TRABD2A: variants seen among roughly 807,000 people sequenced by gnomAD.
TRABD2A encodes metalloprotease TIKI1.
A neutral mutation model predicts 45.6 loss-of-function variants in TRABD2A; 43 were observed. The observed-to-expected ratio is 0.94, with a 90% CI of 0.74 to 1.22. The LOEUF is 1.22. Among genes scored for constraint, TRABD2A ranks in the 50% most tolerant of loss-of-function variants. The pLI is 0.00. For missense variants in TRABD2A, 642 were observed against 652.4 expected (o/e 0.98, Z 0.17); for synonymous variants, 269 against 265.0 (o/e 1.02, Z -0.15).
At chr2:84,863,561 T>C (rs1253690848) in intron 2 of TRABD2A, among the ~76,000 whole-genome samples, 12 of 150,096 alleles carry the variant, frequency 8.0e-5, no homozygotes, top group Non-Finnish European at 1.8e-4. Context: ...CCAGTCTATA[T>C]CTACATAGCT....
chr2:84,831,983 C>T lies in TRABD2A; in HGVS notation c.1082+72G>A, dbSNP rs1164354684. The T allele has an allele frequency of 3.3e-6, 5 of 1,520,962 alleles. No homozygotes were observed. The Admixed American group carries it at 8.4e-5, about 25-fold the overall frequency. 94.2% of individuals were successfully genotyped at this position (1,520,962 alleles called of 1,614,324 possible). Reference sequence around the variant, plus strand: ...TCTCTGGAGCTCCTCAAGATAGCAGCCCACCCTGGTGCCCAGGCAGCCCCA... The same window carrying T: ...TCTCTGGAGCTCCTCAAGATAGCAGTCCACCCTGGTGCCCAGGCAGCCCCA... On this transcript the variant is annotated intron_variant, in intron 5 of 6. Transcript: ENST00000409520.
At chr2:84,859,777 G>A (rs1001550308) in intron 2 of TRABD2A, among the ~76,000 whole-genome samples, 2 of 152,144 alleles carry the variant, frequency 1.3e-5, no homozygotes, top group African/African-American at 4.8e-5. Flanking sequence ...TGGGATGGGG[G>A]TTCCAAATTT....
chr2:84,852,825 CA>C (rs1682142103), intron 2 of TRABD2A, among the ~76,000 whole-genome samples: 1 of 152,084 alleles, frequency 6.6e-6, no homozygotes, highest in Non-Finnish European at 1.5e-5. Flanking sequence ...ATGGCAAGAC[CA>C]GAAGGAAATA....
chr2:84,841,775 T>C, intron 3 of TRABD2A, 86 bp downstream of exon 3: 2 of 1,381,812 alleles, frequency 1.4e-6, no homozygotes, highest in Non-Finnish European at 9.5e-7. Flanking sequence ...CAATCCTTTG[T>C]ACACAGGATG....
intron 1 of TRABD2A, among the ~76,000 whole-genome samples, chr2:84,874,143 C>G (rs1682954629): frequency 6.6e-6 from 1 of 152,344 alleles, no homozygotes. Context: ...TCTTCAGAAG[C>G]AGTCTGTTCA....
chr2:84,868,550 T>C (rs1221352039), intron 2 of TRABD2A, among the ~76,000 whole-genome samples: 1 of 148,814 alleles, frequency 6.7e-6, no homozygotes, highest in African/African-American at 2.6e-5. Context: ...GTTAATTAAC[T>C]AGTTAACTAA....
intron 5 of TRABD2A, among the ~76,000 whole-genome samples, chr2:84,829,984 GACAC>G (rs199556536): frequency 0.033 from 4,995 of 149,406 alleles, 298 homozygotes; most frequent in African/African-American, 0.12. Flanking sequence ...CCACACACCA[GACAC>G]ACACAAACAC....
intron 4 of TRABD2A, chr2:84,838,321 TTAAATAAACAC>T: frequency 1.4e-6 from 1 of 710,954 alleles, no homozygotes; most frequent in Non-Finnish European, 2.6e-6. Flanking sequence ...TCCAGTTTTC[TTAAATAAACAC>T]TTCTAGGATT....
intron 1 of TRABD2A, among the ~76,000 whole-genome samples, chr2:84,874,424 A>G (rs1248012048): frequency 1.3e-5 from 2 of 152,184 alleles, no homozygotes; most frequent in Non-Finnish European, 2.9e-5. Flanking sequence ...TGAGCCTACC[A>G]TGTGCCAGAC....
At chr2:84,827,488 T>C (rs948190328) in intron 5 of TRABD2A, among the ~76,000 whole-genome samples, 1 of 152,128 alleles carries the variant, frequency 6.6e-6, no homozygotes, top group Admixed American at 6.5e-5. Flanking sequence ...CATCCCCCTT[T>C]CTCCCAGTCT....
At chr2:84,862,362 T>A (rs920737924) in intron 2 of TRABD2A, among the ~76,000 whole-genome samples, 2 of 152,166 alleles carry the variant, frequency 1.3e-5, no homozygotes, top group African/African-American at 4.8e-5. Context: ...ATTGGGCTGA[T>A]CCACCAAGCA....
chr2:84,835,782 G>A (rs1016109116), intron 4 of TRABD2A: 1 of 151,790 alleles, frequency 6.6e-6, no homozygotes, highest in African/African-American at 2.4e-5. Context: ...CATGGTGGAA[G>A]GCACAAGGGC....
intron 2 of TRABD2A, among the ~76,000 whole-genome samples, chr2:84,863,027 A>T (rs1264450181): frequency 2.0e-5 from 3 of 152,150 alleles, no homozygotes; most frequent in Non-Finnish European, 4.4e-5. Context: ...CACGTACAAC[A>T]TCTGTATTGA....
At chr2:84,860,610 G>T (rs571337006) in intron 2 of TRABD2A, among the ~76,000 whole-genome samples, 1 of 152,230 alleles carries the variant, frequency 6.6e-6, no homozygotes, top group African/African-American at 2.4e-5. Context: ...GTCCACTGCA[G>T]TTATTTAACA....
chr2:84,843,800 C>T (rs1192892201), intron 2 of TRABD2A: 2 of 152,190 alleles, frequency 1.3e-5, no homozygotes, highest in Non-Finnish European at 2.9e-5. Context: ...TCCTAAAGGC[C>T]TCACCTTTTA....
chr2:84,872,456 C>A (rs766088389), intron 1 of TRABD2A, among the ~76,000 whole-genome samples: 1 of 151,854 alleles, frequency 6.6e-6, no homozygotes, highest in Non-Finnish European at 1.5e-5. Flanking sequence ...CTGCAGATTG[C>A]ACCACTGTGC....
At chr2:84,829,756 T>G (rs1329894252) in intron 5 of TRABD2A, among the ~76,000 whole-genome samples, 1 of 135,564 alleles carries the variant, frequency 7.4e-6, no homozygotes, top group Non-Finnish European at 1.6e-5. Context: ...ACCAGCCATG[T>G]TCCACACACA....
chr2:84,854,117 A>G (rs1368509305), intron 2 of TRABD2A, among the ~76,000 whole-genome samples: 1 of 151,472 alleles, frequency 6.6e-6, no homozygotes, highest in African/African-American at 2.4e-5. Flanking sequence ...AAACAAAAAT[A>G]CAGTATAACA....
At chr2:84,867,360 G>A (rs1682714248) in intron 2 of TRABD2A, among the ~76,000 whole-genome samples, 1 of 152,152 alleles carries the variant, frequency 6.6e-6, no homozygotes, top group Non-Finnish European at 1.5e-5. Flanking sequence ...TATCTTAAGA[G>A]ACAGTGTTGC....
Sources: allele counts gnomAD v4.1 joint callset (sites outside exome capture counted in the v4.1 genomes callset), GRCh38; gene constraint gnomAD v4.1.1; transcripts MANE v1.5; gene names NCBI Gene and HGNC (gene_info 2026-07-23, HGNC 2026-07-21).